Variants in FANCD2 observed in about 807,000 individuals in gnomAD.
FANCD2 encodes Fanconi anemia group D2 protein.
Under a neutral mutation model 192.3 loss-of-function variants are expected in FANCD2, and 131 were observed. The observed-to-expected ratio is 0.68, with a 90% CI of 0.59 to 0.79. The LOEUF (loss-of-function observed/expected upper bound fraction) is 0.79. FANCD2 is among the 30% of genes least tolerant of loss of function. The probability of loss-of-function intolerance (pLI) is 0.00; values close to 1 mark genes in which losing one functional copy is unlikely to be tolerated. For missense variants in FANCD2, 1,508 were observed against 1,701.6 expected (o/e 0.89, Z 2.00); for synonymous variants, 524 against 612.5 (o/e 0.86, Z 2.13).
rs751496034 is a variant in FANCD2, at chr3:10,074,567, T to C, written c.2753T>C (p.Leu918Pro). Residue 918 changes from leucine to proline, a missense_variant, in exon 29 of 44, where the codon CTA becomes CCA. Transcript: ENST00000675286. ...TGKEEKTSLLLHNSHAFFREL... is the reference protein window; with the variant it reads ...TGKEEKTSLLPHNSHAFFREL... ...AAGGAAGAAAAGACATCATTGTTAC[T>C]ACATAATTCCCATGCTTTTTTCCGA... 5 of 1,613,878 alleles carry C rather than the reference T, an allele frequency of 3.1e-6. No homozygotes were observed. Among genetic ancestry groups the C allele is most frequent in the Non-Finnish European group, 4.2e-6 (5 of 1,179,866 alleles).
intron 1 of FANCD2, among the ~76,000 whole-genome samples, chr3:10,028,048 A>C (rs1013992975): frequency 1.2e-3 from 48 of 41,452 alleles, no homozygotes; most frequent in African/African-American, 4.8e-3. Context: ...CCCTGTCTCT[A>C]CTAAAAAAAA....
intron 32 of FANCD2, among the ~76,000 whole-genome samples, 187 bp from the exon 33 acceptor site, chr3:10,085,625 C>T (rs1480383921): frequency 6.6e-6 from 1 of 151,920 alleles, no homozygotes; most frequent in South Asian, 2.1e-4. Flanking sequence ...GTGTTGACCT[C>T]GTTATTCGCC....
chr3:10,088,976 T>C, intron 36 of FANCD2, 26 bp downstream of exon 36: 3 of 1,613,296 alleles, frequency 1.9e-6, no homozygotes. Flanking sequence ...CCTCCAGTTT[T>C]TCCCTTAAGA....
chr3:10,047,637 A>G (rs2087061708), intron 15 of FANCD2, among the ~76,000 whole-genome samples: 3 of 152,300 alleles, frequency 2.0e-5, no homozygotes, highest in African/African-American at 7.2e-5. Context: ...CTGGCCTCCA[A>G]TCCCAAATTG....
chr3:10,085,948 T>C (rs1694172795), intron 33 of FANCD2, 26 bp downstream of exon 33: 10 of 1,492,592 alleles, frequency 6.7e-6, no homozygotes, highest in Non-Finnish European at 8.4e-6. Context: ...ATAGCCAAGA[T>C]TGTTGTCCCA....
At chr3:10,040,023 C>G in intron 9 of FANCD2, 178 bp downstream of exon 9, 2 of 595,126 alleles carry the variant, frequency 3.4e-6, no homozygotes, top group South Asian at 5.0e-5. Flanking sequence ...TGAATAGATC[C>G]ACATACTTTC....
At position 10,038,387 on chromosome 3, in the gene FANCD2, C is replaced by T. The variant is rs1391289200; in HGVS notation, c.492-892C>T. ...TTTCAGTTAAGATTGGCTGCAATAA[C>T]AAGGACCATGCTGTCAAGGAGATGG... On this transcript the variant is annotated intron_variant, in intron 7 of 43. Coordinates refer to ENST00000675286, the MANE Select transcript of FANCD2 (RefSeq NM_001018115.3). Among the ~76,000 whole-genome samples, 3 of 152,164 alleles carry T rather than the reference C, an allele frequency of 2.0e-5. No individual in the cohort carries two copies. In the East Asian group the frequency reaches 5.8e-4, roughly 29 times the overall value.
At chr3:10,095,314 G>T in intron 41 of FANCD2, 40 bp downstream of exon 41, 1 of 1,532,842 alleles carries the variant, frequency 6.5e-7, no homozygotes, top group East Asian at 2.3e-5. Flanking sequence ...CCTGCCTGTT[G>T]GCTTAATCTG....
chr3:10,088,151 C>A (rs9856270), intron 34 of FANCD2, among the ~76,000 whole-genome samples: 1 of 152,106 alleles, frequency 6.6e-6, no homozygotes, highest in African/African-American at 2.4e-5. Context: ...TTCCCACTGC[C>A]CAGCAGCATT....
At chr3:10,054,176 C>T (rs2087303928) in intron 18 of FANCD2, among the ~76,000 whole-genome samples, 1 of 151,398 alleles carries the variant, frequency 6.6e-6, no homozygotes, top group Non-Finnish European at 1.5e-5. Context: ...TGTGCCACTG[C>T]ACTCCAGCCA....
rs576351555 is a variant in FANCD2 at position 10,090,049 on chromosome 3, C to G, written c.3684-243C>G. Among the ~76,000 whole-genome samples, 7 of 152,286 alleles carry G rather than the reference C, an allele frequency of 4.6e-5. No homozygotes were observed. The East Asian group carries it at 1.4e-3, about 29-fold the overall frequency. On this transcript the variant is annotated intron_variant, in intron 36 of 43. Coordinates refer to ENST00000675286, the MANE Select transcript of FANCD2 (RefSeq NM_001018115.3). ...TCAAACTCAGATCTTCTCACTGTTACTTCATTGCTTTTTCCATACTACCAT... is the reference window on the plus strand; with the variant it reads ...TCAAACTCAGATCTTCTCACTGTTAGTTCATTGCTTTTTCCATACTACCAT...
chr3:10,069,675 G>C (rs1252591719), intron 26 of FANCD2, among the ~76,000 whole-genome samples: 2 of 152,204 alleles, frequency 1.3e-5, no homozygotes, highest in African/African-American at 4.8e-5. Context: ...TGTTGGCCGG[G>C]CCGGTCTCCA....
intron 43 of FANCD2, among the ~76,000 whole-genome samples, chr3:10,100,385 T>C (rs1023998089): frequency 6.6e-6 from 1 of 152,154 alleles, no homozygotes; most frequent in African/African-American, 2.4e-5. Context: ...ACAGCACTTC[T>C]TTTTTTGAGA....
chr3:10,031,994 C>T (rs935452968), intron 2 of FANCD2, among the ~76,000 whole-genome samples: 10 of 152,080 alleles, frequency 6.6e-5, no homozygotes, highest in Non-Finnish European at 1.3e-4. Flanking sequence ...TACAGGCGCA[C>T]GCCACCACAC....
chr3:10,076,296 T>C (rs962443047), intron 29 of FANCD2, among the ~76,000 whole-genome samples: 59 of 151,734 alleles, frequency 3.9e-4, no homozygotes, highest in Non-Finnish European at 7.5e-4. Flanking sequence ...TTTTTTTTTT[T>C]CCCAAACCCT....
At chr3:10,042,975 C>A in intron 11 of FANCD2, 75 bp from the exon 12 acceptor site, 1 of 1,277,818 alleles carries the variant, frequency 7.8e-7, no homozygotes, top group Non-Finnish European at 1.1e-6. Context: ...AGGAGATTGT[C>A]ATGGTAGAGA....
At chr3:10,065,312 TG>T in intron 23 of FANCD2, 81 bp from the exon 24 acceptor site, 1 of 943,724 alleles carries the variant, frequency 1.1e-6, no homozygotes, top group Non-Finnish European at 1.7e-6. Flanking sequence ...GTGTTCCCTA[TG>T]TATGTGGAGT....
At chr3:10,053,272 G>C (rs1054020630) in intron 18 of FANCD2, among the ~76,000 whole-genome samples, 1 of 150,606 alleles carries the variant, frequency 6.6e-6, no homozygotes. Context: ...GTAAACTATC[G>C]CAAGAACAAA....
intron 42 of FANCD2, among the ~76,000 whole-genome samples, chr3:10,097,955 A>C (rs897967749): frequency 4.0e-5 from 6 of 151,716 alleles, no homozygotes; most frequent in African/African-American, 1.2e-4. Context: ...TTCCCGCAAC[A>C]ATCTCTAATT....
Sources: gnomAD v4.1 joint callset for allele counts (sites outside exome capture counted in the v4.1 genomes callset) on GRCh38, gnomAD v4.1.1 for gene constraint, MANE v1.5 for transcripts, NCBI Gene and HGNC (gene_info 2026-07-23, HGNC 2026-07-21) for gene names.